Variants in CTTNBP2NL observed in about 807,000 individuals in gnomAD.
CTTNBP2NL encodes CTTNBP2 N-terminal like, also known as CTTNBP2 N-terminal-like protein.
A neutral mutation model predicts 32.5 loss-of-function variants in CTTNBP2NL; 16 were observed. The ratio of observed to expected loss-of-function variants is 0.49; its 90% confidence interval spans 0.33 to 0.75. The LOEUF (loss-of-function observed/expected upper bound fraction) is 0.75. CTTNBP2NL is among the 30% of genes least tolerant of loss of function. The pLI, the probability that CTTNBP2NL is intolerant of heterozygous loss-of-function variation, is 0.02. For missense variants in CTTNBP2NL, 645 were observed against 756.0 expected (o/e 0.85, Z 1.72); for synonymous variants, 298 against 289.4 (o/e 1.03, Z -0.30).
intron 1 of CTTNBP2NL, among the ~76,000 whole-genome samples, chr1:112,402,685 G>C (rs1035485670): frequency 6.6e-6 from 1 of 152,174 alleles, no homozygotes; most frequent in Non-Finnish European, 1.5e-5. Context: ...AACCAATCTA[G>C]TTCTTAACTG....
intron 1 of CTTNBP2NL, chr1:112,396,696 C>T (rs1648341029): frequency 6.6e-6 from 1 of 152,212 alleles, no homozygotes; most frequent in African/African-American, 2.4e-5. Flanking sequence ...AGCTGCTTTC[C>T]TCCGTAAGAT....
chr1:112,409,259 T>C (rs1648784523), intron 1 of CTTNBP2NL, among the ~76,000 whole-genome samples: 1 of 152,196 alleles, frequency 6.6e-6, no homozygotes, highest in Non-Finnish European at 1.5e-5. Flanking sequence ...CTGAGTCATT[T>C]GTAGTCCAAA....
Position 112,448,961 on chromosome 1 carries a change from T to C in CTTNBP2NL, c.119T>C (p.Phe40Ser). The change falls in exon 4 of 6, where the codon TTC becomes TCC. Residue 40 changes from phenylalanine to serine, a missense_variant. Physicochemically the swap from Phe to Ser is radical, Grantham distance 155 (BLOSUM62 -2). Transcript: ENST00000271277. ...TCCCAGGCCCAACACAGAGATACTT[T>C]CATTGAAGAACGCTATGGAAAATAT... ...EALKAQHRDTFIEERYGKYNI... is the reference protein window; with the variant it reads ...EALKAQHRDTSIEERYGKYNI... The C allele has an allele frequency of 6.2e-7, 1 of 1,609,084 alleles. No homozygotes were observed. The highest frequency in any genetic ancestry group is 8.5e-7 in the Non-Finnish European group (1 of 1,175,486).
chr1:112,444,325 G>A (rs1460755348), intron 3 of CTTNBP2NL, among the ~76,000 whole-genome samples: 1 of 152,222 alleles, frequency 6.6e-6, no homozygotes, highest in Non-Finnish European at 1.5e-5. Context: ...GAAGTGGAGA[G>A]GAGGTGACTA....
chr1:112,445,047 G>A (rs2101027087), intron 3 of CTTNBP2NL, among the ~76,000 whole-genome samples: 1 of 152,298 alleles, frequency 6.6e-6, no homozygotes, highest in Admixed American at 6.5e-5. Context: ...TGGGGCTGAG[G>A]GTCACTTGCT....
intron 3 of CTTNBP2NL, among the ~76,000 whole-genome samples, chr1:112,420,069 C>A (rs990234542): frequency 2.0e-5 from 3 of 151,662 alleles, no homozygotes; most frequent in African/African-American, 4.8e-5. Context: ...GTATTCATAA[C>A]CTTTATTATA....
intron 3 of CTTNBP2NL, among the ~76,000 whole-genome samples, chr1:112,434,517 G>A (rs1649670121): frequency 1.3e-5 from 2 of 151,956 alleles, no homozygotes; most frequent in South Asian, 4.2e-4. Context: ...ATGGTCTCTG[G>A]ATCTAGCCTC....
intron 3 of CTTNBP2NL, among the ~76,000 whole-genome samples, chr1:112,419,241 G>A (rs1360346229): frequency 6.6e-6 from 1 of 152,130 alleles, no homozygotes; most frequent in Non-Finnish European, 1.5e-5. Context: ...AAAGTTAGAA[G>A]TATATTTAGA....
chr1:112,408,766 T>A (rs972014616), intron 1 of CTTNBP2NL, among the ~76,000 whole-genome samples: 20 of 152,188 alleles, frequency 1.3e-4, no homozygotes, highest in Non-Finnish European at 2.6e-4. Context: ...CACATGTCCA[T>A]CTTGGCTCTT....
intron 3 of CTTNBP2NL, among the ~76,000 whole-genome samples, chr1:112,430,776 T>C (rs1224888506): frequency 6.6e-6 from 1 of 151,986 alleles, no homozygotes; most frequent in Non-Finnish European, 1.5e-5. Context: ...CTAAAATACA[T>C]GTTTCACCAT....
At chr1:112,426,131 G>A (rs961630764) in intron 3 of CTTNBP2NL, among the ~76,000 whole-genome samples, 2 of 152,010 alleles carry the variant, frequency 1.3e-5, no homozygotes, top group Non-Finnish European at 2.9e-5. Flanking sequence ...TTTTGCAAAT[G>A]CTGTTTATCA....
intron 1 of CTTNBP2NL, among the ~76,000 whole-genome samples, chr1:112,411,786 C>T (rs1432421531): frequency 6.6e-6 from 1 of 151,952 alleles, no homozygotes; most frequent in Non-Finnish European, 1.5e-5. Context: ...GGGTTCACGC[C>T]ATTCTCCTGC....
At position 112,416,203 on chromosome 1, in the gene CTTNBP2NL, C is replaced by A. The variant is rs1482842079; in HGVS notation, c.38C>A (p.Thr13Lys). The A allele has an allele frequency of 6.2e-7, 1 of 1,608,500 alleles. No individual in the cohort carries two copies. Among genetic ancestry groups the A allele is most frequent in the Non-Finnish European group, 8.5e-7 (1 of 1,177,908 alleles). The change falls in exon 3 of 6, where the codon ACA becomes AAA. Residue 13 changes from threonine to lysine, a missense_variant. Coordinates refer to ENST00000271277, the MANE Select transcript of CTTNBP2NL (RefSeq NM_018704.3). ...LEKLSKPELL[T>K]LFSILEGELE... ...AAACTCAGCAAGCCTGAACTCCTGA[C>A]ACTATTTAGTATTCTTGAAGGAGAG...
At chr1:112,416,027 T>C (rs1649051209) in intron 2 of CTTNBP2NL, 130 bp from the exon 3 acceptor site, 1 of 611,186 alleles carries the variant, frequency 1.6e-6, no homozygotes, top group Non-Finnish European at 2.9e-6. Context: ...TATTTCTATT[T>C]AATTTCAACT....
At chr1:112,396,413 C>T (rs1648328222) in intron 1 of CTTNBP2NL, 141 bp downstream of exon 1, 1 of 152,426 alleles carries the variant, frequency 6.6e-6, no homozygotes, top group South Asian at 2.1e-4. Flanking sequence ...GGGGCCGTCT[C>T]CTCCACCTCC....
At chr1:112,421,670 A>C (rs994394009) in intron 3 of CTTNBP2NL, among the ~76,000 whole-genome samples, 2 of 151,756 alleles carry the variant, frequency 1.3e-5, no homozygotes, top group Non-Finnish European at 2.9e-5. Flanking sequence ...GGAAAATGAC[A>C]GTTCTTCTCA....
At chr1:112,395,853 G>T (rs1356451857), upstream of CTTNBP2NL, among the ~76,000 whole-genome samples, 1 of 152,226 alleles carries the variant, frequency 6.6e-6, no homozygotes, top group Non-Finnish European at 1.5e-5. Context: ...TAGGCCACCA[G>T]AGCCCTCCAT....
At chr1:112,424,028 A>G (rs1377387128) in intron 3 of CTTNBP2NL, among the ~76,000 whole-genome samples, 1 of 151,966 alleles carries the variant, frequency 6.6e-6, no homozygotes, top group African/African-American at 2.4e-5. Flanking sequence ...CAGCCTATCA[A>G]TTTTTCTTTT....
chr1:112,404,737 A>G (rs1457805002), intron 1 of CTTNBP2NL, among the ~76,000 whole-genome samples: 1 of 152,252 alleles, frequency 6.6e-6, no homozygotes, highest in Non-Finnish European at 1.5e-5. Flanking sequence ...TAAATGAAAT[A>G]AAGCCATCTA....
Sources: gnomAD v4.1 joint callset for allele counts (sites outside exome capture counted in the v4.1 genomes callset) on GRCh38, gnomAD v4.1.1 for gene constraint, MANE v1.5 for transcripts, NCBI Gene and HGNC (gene_info 2026-07-23, HGNC 2026-07-21) for gene names.